Variants in DPT observed in about 807,000 individuals in gnomAD.
DPT encodes the protein dermatopontin.
DPT carries 21 observed loss-of-function variants against 31.2 expected under a neutral mutation model. The observed-to-expected ratio is 0.67, with a 90% CI of 0.48 to 0.97. DPT has a LOEUF of 0.97. Ranked by LOEUF, DPT falls within the 50% of genes least tolerant of loss-of-function variation. The pLI, the probability that DPT is intolerant of heterozygous loss-of-function variation, is 0.00. For synonymous variants in DPT, 91 were observed against 86.9 expected, an observed-to-expected ratio of 1.05 and a Z score of -0.26; for missense variants, 262 against 258.8, an observed-to-expected ratio of 1.01 and a Z score of -0.08.
chr1:168,725,170 G>C (rs1218864609), intron 1 of DPT, among the ~76,000 whole-genome samples: 5 of 136,638 alleles, frequency 3.7e-5, no homozygotes, highest in Non-Finnish European at 7.8e-5. Flanking sequence ...TTGTGAGGTG[G>C]GAGTCACACC....
At chr1:168,700,910 T>TGG in intron 3 of DPT, 107 bp downstream of exon 3, 1 of 517,662 alleles carries the variant, frequency 1.9e-6, no homozygotes, top group Non-Finnish European at 3.6e-6. Flanking sequence ...TGTGTGTGGG[T>TGG]GTGTGTGTGT....
At chr1:168,725,365 T>C (rs780204109) in intron 1 of DPT, among the ~76,000 whole-genome samples, 28 of 151,966 alleles carry the variant, frequency 1.8e-4, no homozygotes, top group Admixed American at 5.9e-4. Flanking sequence ...CTTTCTTTTT[T>C]GCCAGAATGA....
Position 168,695,954 on chromosome 1 carries a change from C to T in DPT, c.*595G>A, listed in dbSNP as rs1160327333. 3 of 381,116 alleles carry T rather than the reference C, an allele frequency of 7.9e-6. No individual in the cohort carries two copies. Among genetic ancestry groups the T allele is most frequent in the East Asian group, 3.7e-5 (1 of 26,790 alleles). 23.6% of individuals were successfully genotyped at this position (381,116 alleles called of 1,614,324 possible). A position where few individuals can be genotyped will look rare whatever the true frequency, so the allele number is the denominator to read the frequency against. On this transcript the variant is annotated 3_prime_UTR_variant, in exon 4 of 4. Transcript: ENST00000367817. ...CCTTCCAACCCTGTTTTCAGCTCTG[C>T]CTCCAAACCCTTCCATTTCCCCATT... is the stretch of plus-strand genomic sequence containing the variant.
Position 168,701,011 on chromosome 1 carries a change from T to C in DPT, c.539+6A>G, listed in dbSNP as rs762628235. 1.2e-5 allele frequency: 19 copies of C among 1,609,628 alleles called. No homozygotes were observed. Among genetic ancestry groups the C allele is most frequent in the Non-Finnish European group, 1.6e-5 (19 of 1,176,126 alleles). The stretch of plus-strand genomic sequence containing the variant: ...TAGCCCATTGGGAAGGGGCTGTCTT[T>C]CTCACCTTTCCACTGCAGAGAAAGT... On this transcript the variant is annotated splice_donor_region_variant and intron_variant, in intron 3 of 3. Coordinates refer to ENST00000367817, the MANE Select transcript of DPT (RefSeq NM_001937.5).
intron 1 of DPT, among the ~76,000 whole-genome samples, chr1:168,721,592 G>T (rs1650115410): frequency 1.3e-5 from 2 of 152,134 alleles, no homozygotes; most frequent in South Asian, 4.2e-4. Flanking sequence ...GCACATATCA[G>T]AGCACAAAAG....
rs551761990 is a variant in DPT at position 168,704,590 on chromosome 1, G to T, written c.432-3466C>A. Among the ~76,000 whole-genome samples, 241 of 148,476 alleles carry T rather than the reference G, an allele frequency of 1.6e-3. 1 individual carries two copies. The highest frequency in any genetic ancestry group is 2.6e-3 in the Non-Finnish European group (174 of 67,458). On this transcript the variant is annotated intron_variant, in intron 2 of 3. Transcript: ENST00000367817. ...AAAAAGCAAAACTACTGGTGTGTGT[G>T]TGGGGTGTGTGTGTGTGTGTGCATG...
At chr1:168,726,099 G>A (rs928818842) in intron 1 of DPT, among the ~76,000 whole-genome samples, 2 of 152,166 alleles carry the variant, frequency 1.3e-5, no homozygotes, top group African/African-American at 4.8e-5. Flanking sequence ...AAGTTGTTTT[G>A]CATGTTTGTG....
chr1:168,712,754 T>A (rs4656613), intron 2 of DPT, among the ~76,000 whole-genome samples: 25,849 of 152,176 alleles, frequency 0.17, 2,643 homozygotes, highest in Non-Finnish European at 0.22. Flanking sequence ...ACCTGAAAGA[T>A]CTTCTAGTCC....
chr1:168,714,153 C>CTAGA, intron 2 of DPT, 68 bp downstream of exon 2: 1 of 1,606,632 alleles, frequency 6.2e-7, no homozygotes. Context: ...TTACCTGAAG[C>CTAGA]TAGAGCACTT....
In DPT at chr1:168,696,606, C is replaced by G. The variant is rs975150763; in HGVS notation, c.549G>C (p.Gln183His). ...TCATCCGGCACATTATGAACTTCCA[C>G]TGGCGATCCCTGTGGGAGGGAGAGT... ...TTFSAVERDRQWKFIMCRMTE... is the reference protein window; with the variant it reads ...TTFSAVERDRHWKFIMCRMTE... Residue 183 changes from glutamine (Q) to histidine (H), a missense_variant, in exon 4 of 4, where the codon CAG (glutamine) becomes CAC (histidine). Coordinates refer to ENST00000367817, the MANE Select transcript of DPT (RefSeq NM_001937.5). The G allele has an allele frequency of 1.2e-6, 2 of 1,613,846 alleles. No individual in the cohort carries two copies. Among genetic ancestry groups the G allele is most frequent in the Non-Finnish European group, 1.7e-6 (2 of 1,179,902 alleles).
rs908166957 is a variant in DPT at position 168,695,905 on chromosome 1, C to T, written c.*644G>A. 1 of 331,718 alleles carries T rather than the reference C, an allele frequency of 3.0e-6. No homozygotes were observed. Among genetic ancestry groups the T allele is most frequent in the Non-Finnish European group, 5.5e-6 (1 of 183,058 alleles). 20.5% of individuals were successfully genotyped at this position (331,718 alleles called of 1,614,324 possible). A position where few individuals can be genotyped will look rare whatever the true frequency, so the allele number is the denominator to read the frequency against. On this transcript the variant is annotated 3_prime_UTR_variant, in exon 4 of 4. Coordinates refer to ENST00000367817, the MANE Select transcript of DPT (RefSeq NM_001937.5). The stretch of plus-strand genomic sequence containing the variant: ...TCATTTTCCTTACTGGGTATGCTAA[C>T]GTTTGTCTTCTAATTCAGGAAATCC...
intron 2 of DPT, among the ~76,000 whole-genome samples, chr1:168,705,990 C>G (rs114689868): frequency 0.13 from 19,916 of 151,624 alleles, 1,550 homozygotes; most frequent in African/African-American, 0.22. Context: ...GTGAGGCTTC[C>G]TCAGCCATGG....
chr1:168,698,377 A>C (rs766533981), intron 3 of DPT, among the ~76,000 whole-genome samples: 4 of 152,186 alleles, frequency 2.6e-5, no homozygotes, highest in Non-Finnish European at 5.9e-5. Flanking sequence ...AAATTAGAAA[A>C]TTGGTGGCCT....
At chr1:168,709,571 G>A (rs975139207) in intron 2 of DPT, among the ~76,000 whole-genome samples, 1 of 152,142 alleles carries the variant, frequency 6.6e-6, no homozygotes, top group African/African-American at 2.4e-5. Flanking sequence ...ACTCATTTGG[G>A]AGTTGGTTGG....
At chr1:168,727,445 C>T (rs900671859) in intron 1 of DPT, among the ~76,000 whole-genome samples, 1 of 152,184 alleles carries the variant, frequency 6.6e-6, no homozygotes, top group Non-Finnish European at 1.5e-5. Flanking sequence ...CTGGCTCCCC[C>T]ACCCATCGGT....
At position 168,718,201 on chromosome 1, in the gene DPT, C is replaced by T. The variant is rs567152724; in HGVS notation, c.306-3855G>A. On this transcript the variant is annotated intron_variant, in intron 1 of 3. Coordinates refer to ENST00000367817, the MANE Select transcript of DPT (RefSeq NM_001937.5). ...TCTGTACTCAGACCCCTATAGGGGA[C>T]AGAGCTCCCATGGGGGTAAGTTCCC... 1.3e-4 allele frequency among the ~76,000 whole-genome samples: 20 copies of T among 152,320 alleles called. No individual in the cohort carries two copies. The South Asian group carries it at 1.5e-3, about 11-fold the overall frequency.
intron 3 of DPT, among the ~76,000 whole-genome samples, chr1:168,699,796 A>T (rs1327303397): frequency 7.0e-6 from 1 of 143,612 alleles, no homozygotes; most frequent in East Asian, 1.9e-4. Context: ...ATTTCTGTGT[A>T]AAGTGATTAT....
At chr1:168,726,053 G>A (rs1367200587) in intron 1 of DPT, among the ~76,000 whole-genome samples, 4 of 152,126 alleles carry the variant, frequency 2.6e-5, no homozygotes, top group Non-Finnish European at 4.4e-5. Flanking sequence ...AGGGTAATTC[G>A]TGTCAGTCCT....
intron 2 of DPT, among the ~76,000 whole-genome samples, chr1:168,702,891 T>C (rs923487813): frequency 1.3e-5 from 2 of 152,140 alleles, no homozygotes; most frequent in African/African-American, 2.4e-5. Context: ...GGATTACATG[T>C]ATGAGCCACT....
Sources: allele counts gnomAD v4.1 joint callset (sites outside exome capture counted in the v4.1 genomes callset), GRCh38; gene constraint gnomAD v4.1.1; transcripts MANE v1.5; gene names NCBI Gene and HGNC (gene_info 2026-07-23, HGNC 2026-07-21).